The following ARHGEF4 variants were observed in gnomAD, a reference collection of about 807,000 sequenced individuals.
ARHGEF4 encodes the protein Rho guanine nucleotide exchange factor 4.
In ARHGEF4, 119 loss-of-function variants were observed where a neutral mutation model predicts 162.0. The observed-to-expected ratio is 0.73, with a 90% CI of 0.63 to 0.86. The LOEUF is 0.86. Among genes scored for constraint, ARHGEF4 ranks in the 40% least tolerant of loss-of-function variants. The pLI is 0.00. For missense variants in ARHGEF4, 2,488 were observed against 2,456.0 expected (o/e 1.01, Z -0.28); for synonymous variants, 1,014 against 979.9 (o/e 1.03, Z -0.65).
At chr2:131,000,288 C>T (rs1221868423) in intron 4 of ARHGEF4, among the ~76,000 whole-genome samples, 1 of 152,056 alleles carries the variant, frequency 6.6e-6, no homozygotes, top group Non-Finnish European at 1.5e-5. Context: ...TGGATAAACC[C>T]CTATTTAAGT....
intron 1 of ARHGEF4, among the ~76,000 whole-genome samples, chr2:130,877,086 C>T (rs948462214): frequency 1.3e-5 from 2 of 152,136 alleles, no homozygotes; most frequent in Non-Finnish European, 2.9e-5. Flanking sequence ...CCTCAGAACA[C>T]ACAGGCTCCA....
chr2:130,979,692 T>C (rs1023628931), intron 4 of ARHGEF4, among the ~76,000 whole-genome samples: 2 of 138,338 alleles, frequency 1.4e-5, no homozygotes, highest in East Asian at 4.4e-4. Context: ...GCCAAGATTG[T>C]GCCGCTGCAT....
At chr2:130,856,904 G>A (rs1457059713) in intron 1 of ARHGEF4, among the ~76,000 whole-genome samples, 1 of 152,192 alleles carries the variant, frequency 6.6e-6, no homozygotes, top group Non-Finnish European at 1.5e-5. Context: ...ATCCATAGAA[G>A]GAAATGAAGA....
chr2:130,906,619 G>T, intron 1 of ARHGEF4, among the ~76,000 whole-genome samples: 1 of 152,174 alleles, frequency 6.6e-6, no homozygotes, highest in East Asian at 1.9e-4. Flanking sequence ...TGGCGAACCA[G>T]CCCTCGTATA....
chr2:130,846,596 C>T lies in ARHGEF4; in HGVS notation c.39+9604C>T, dbSNP rs148767916. 2.0e-4 allele frequency among the ~76,000 whole-genome samples: 31 copies of T among 152,254 alleles called. 1 individual carries two copies. In the East Asian group the frequency reaches 5.6e-3, roughly 28 times the overall value. The stretch of plus-strand genomic sequence containing the variant: ...GAGAGAAGGGACTTAGGGCAGGATT[C>T]GGGCCCAGTGAGAGGGGCTTGAGGA... On this transcript the variant is annotated intron_variant, in intron 1 of 13. Transcript: ENST00000409359.
rs150011154 is a variant in ARHGEF4, at chr2:130,934,294, A to G, written c.3858+3037A>G. ...GATGTTTTTCTCTGGCTTTGGTATC[A>G]GAGTGATTCTGGTCTTATAGAATGA... On this transcript the variant is annotated intron_variant, in intron 3 of 13. Coordinates refer to ENST00000409359, the MANE Select transcript of ARHGEF4 (RefSeq NM_001367493.1). Among the ~76,000 whole-genome samples, 914 of 152,272 alleles carry G rather than the reference A, an allele frequency of 6.0e-3. 13 individuals are homozygous for G. Among genetic ancestry groups the G allele is most frequent in the African/African-American group, 0.02 (851 of 41,550 alleles).
chr2:130,891,292 ATAAT>A (rs1679851772), intron 1 of ARHGEF4, among the ~76,000 whole-genome samples: 2 of 152,328 alleles, frequency 1.3e-5, no homozygotes, highest in Admixed American at 1.3e-4. Context: ...ATGTATATTA[ATAAT>A]TAATAATTGG....
At chr2:130,877,548 G>T (rs1344252663) in intron 1 of ARHGEF4, among the ~76,000 whole-genome samples, 2 of 152,154 alleles carry the variant, frequency 1.3e-5, no homozygotes, top group East Asian at 3.9e-4. Context: ...TGCTTGGGGG[G>T]CTGAGGTGGA....
At chr2:130,938,953 T>C (rs533043821) in intron 3 of ARHGEF4, among the ~76,000 whole-genome samples, 127 of 152,342 alleles carry the variant, frequency 8.3e-4, no homozygotes, top group African/African-American at 1.8e-3. Flanking sequence ...AGGTTTGTTA[T>C]ATAGGTAAAT....
chr2:130,998,555 C>T (rs988532596), intron 4 of ARHGEF4, among the ~76,000 whole-genome samples: 1 of 152,160 alleles, frequency 6.6e-6, no homozygotes, highest in Non-Finnish European at 1.5e-5. Context: ...AGTTGAAATC[C>T]CACAGTGCAC....
chr2:130,914,710 G>T lies in ARHGEF4; in HGVS notation c.764G>T (p.Ser255Ile). Residue 255 changes from serine (S) to isoleucine (I), a missense_variant, in exon 2 of 14, where the codon AGC becomes ATC. Coordinates refer to ENST00000409359, the MANE Select transcript of ARHGEF4 (RefSeq NM_001367493.1). ...HNRARALVLP[S>I]RGPLDNTAPL... is the part of the protein sequence containing the mutation. ...AGGGCCAGGGCACTGGTGCTACCTA[G>T]CAGAGGCCCACTGGACAACACAGCC... is the stretch of plus-strand genomic sequence containing the variant. 7.1e-7 allele frequency: 1 copy of T among 1,408,424 alleles called. No individual in the cohort carries two copies. The highest frequency in any genetic ancestry group is 9.2e-7 in the Non-Finnish European group (1 of 1,087,828). 87.2% of individuals were successfully genotyped at this position (1,408,424 alleles called of 1,614,324 possible).
At chr2:130,980,483 AT>A (rs1430432193) in intron 4 of ARHGEF4, among the ~76,000 whole-genome samples, 2 of 152,232 alleles carry the variant, frequency 1.3e-5, no homozygotes, top group African/African-American at 4.8e-5. Context: ...ATAAATGCAA[AT>A]ATCAGTTTTG....
At position 130,860,732 on chromosome 2, in the gene ARHGEF4, G is replaced by A. The variant is rs1281589032; in HGVS notation, c.39+23740G>A. ...CTCAAAAAAATAAAAAAATAAAAAAGTTAACATAATAAACTCTATAAATAT... is the reference window on the plus strand; with the variant it reads ...CTCAAAAAAATAAAAAAATAAAAAAATTAACATAATAAACTCTATAAATAT... On this transcript the variant is annotated intron_variant, in intron 1 of 13. Coordinates refer to ENST00000409359, the MANE Select transcript of ARHGEF4 (RefSeq NM_001367493.1). 1.9e-5 allele frequency among the ~76,000 whole-genome samples: 2 copies of A among 106,190 alleles called. 1 individual carries two copies. Among genetic ancestry groups the A allele is most frequent in the Non-Finnish European group, 3.5e-5 (2 of 57,830 alleles). The allele number at this position is 106,190 out of a possible 152,430, so 69.7% of individuals were successfully genotyped here.
intron 1 of ARHGEF4, among the ~76,000 whole-genome samples, chr2:130,849,730 G>A (rs1325459232): frequency 2.6e-5 from 4 of 151,994 alleles, no homozygotes; most frequent in Non-Finnish European, 5.9e-5. Context: ...ACCACGTCCA[G>A]CTAATTTTTG....
In ARHGEF4 at chr2:130,856,516, C is replaced by G. The variant is rs573665331; in HGVS notation, c.39+19524C>G. 2.0e-5 allele frequency among the ~76,000 whole-genome samples: 3 copies of G among 152,236 alleles called. No homozygotes were observed. In the East Asian group the frequency reaches 5.8e-4, roughly 29 times the overall value. ...TTCCTCAGGCTGAGAGCAAGTGACA[C>G]CAGAGAATAATTCAAATCCACATGA... On this transcript the variant is annotated intron_variant, in intron 1 of 13. Transcript: ENST00000409359.
chr2:131,044,377 G>A lies in ARHGEF4; in HGVS notation c.5236G>A (p.Gly1746Arg), dbSNP rs752441296. The A allele has an allele frequency of 1.1e-5, 18 of 1,596,250 alleles. No individual in the cohort carries two copies. Among genetic ancestry groups the A allele is most frequent in the East Asian group, 4.5e-5 (2 of 44,028 alleles). ...CCTGGAGGTGGTGGACCTGGAGGAC[G>A]GGAAGGACAGAGACCTCCATGTGAG... The part of the protein sequence containing the change: ...DGLEVVDLED[G>R]KDRDLHVSIK... The change falls in exon 12 of 14, where the codon GGG (glycine) becomes AGG (arginine). Residue 1746 changes from glycine (G) to arginine (R), a missense_variant. By Grantham distance (125) the Gly-to-Arg change is moderately radical (BLOSUM62 -2). Around this residue, in one of 6 missense-constraint regions of ARHGEF4, gnomAD observed 415 missense variants for 512.4 expected, o/e 0.81. Coordinates refer to ENST00000409359, the MANE Select transcript of ARHGEF4 (RefSeq NM_001367493.1).
chr2:130,868,505 G>T (rs1159437227), intron 1 of ARHGEF4, among the ~76,000 whole-genome samples: 5 of 152,140 alleles, frequency 3.3e-5, no homozygotes, highest in Non-Finnish European at 5.9e-5. Context: ...ACCAGCTGCG[G>T]TCTGAGGCGG....
Position 130,931,123 on chromosome 2 carries a change from A to G in ARHGEF4, c.3724A>G (p.Arg1242Gly). Reference sequence around the variant, plus strand: ...GCGTGGGGAGGCTCCTTCACAGCCTAGGGGCATCCCTCACCGCTCGCCCGT... The same window carrying G: ...GCGTGGGGAGGCTCCTTCACAGCCTGGGGGCATCCCTCACCGCTCGCCCGT... The part of the protein sequence containing the change: ...TVRGEAPSQP[R>G]GIPHRSPVSV... Residue 1242 changes from arginine to glycine, a missense_variant, in exon 3 of 14, where the codon AGG becomes GGG. Physicochemically the swap from Arg to Gly is moderately radical, Grantham distance 125. Coordinates refer to ENST00000409359, the MANE Select transcript of ARHGEF4 (RefSeq NM_001367493.1). 6.2e-7 allele frequency: 1 copy of G among 1,614,160 alleles called. No homozygotes were observed. Among genetic ancestry groups the G allele is most frequent in the Non-Finnish European group, 8.5e-7 (1 of 1,180,002 alleles).
chr2:130,877,053 G>A lies in ARHGEF4; in HGVS notation c.40-36933G>A, dbSNP rs999618958. ...AGTGCCAAAGTAAGATTATGAGGAA[G>A]CCCTCCATGGTGGCGATGGGGTCCT... On this transcript the variant is annotated intron_variant, in intron 1 of 13. Transcript: ENST00000409359. Among the ~76,000 whole-genome samples the A allele has an allele frequency of 5.3e-5, 8 of 152,170 alleles. No homozygotes were observed. The East Asian group carries it at 1.4e-3, about 26-fold the overall frequency.
Sources: gnomAD v4.1 joint callset for allele counts (sites outside exome capture counted in the v4.1 genomes callset) on GRCh38, gnomAD v4.1.1 for gene constraint, gnomAD v4.1.1 regional missense constraint, MANE v1.5 for transcripts, NCBI Gene and HGNC (gene_info 2026-07-23, HGNC 2026-07-21) for gene names.